Variants in MYRIP observed in about 807,000 individuals in gnomAD.
MYRIP encodes rab effector MyRIP.
A neutral mutation model predicts 98.0 loss-of-function variants in MYRIP; 49 were observed. That is an observed-to-expected ratio of 0.50 (90% CI 0.40 to 0.63). The LOEUF (loss-of-function observed/expected upper bound fraction) is 0.63, where lower values mean the gene tolerates loss of function less well. MYRIP is among the 30% of genes least tolerant of loss of function. The pLI is 0.00. For missense variants in MYRIP, 1,004 were observed against 1,058.2 expected (o/e 0.95, Z 0.71); for synonymous variants, 404 against 409.5 (o/e 0.99, Z 0.16).
At chr3:39,849,973 G>T (rs1024140287) in intron 1 of MYRIP, among the ~76,000 whole-genome samples, 11 of 152,172 alleles carry the variant, frequency 7.2e-5, no homozygotes, top group African/African-American at 2.7e-4. Flanking sequence ...AGATTATCAG[G>T]ATGGTCACCA....
At chr3:40,241,016 C>G (rs775032847) in intron 12 of MYRIP, among the ~76,000 whole-genome samples, 1 of 152,138 alleles carries the variant, frequency 6.6e-6, no homozygotes, top group Non-Finnish European at 1.5e-5. Context: ...CCAAATTGGT[C>G]GGCCTCCCAG....
At chr3:39,997,062 A>C (rs973400700) in intron 2 of MYRIP, among the ~76,000 whole-genome samples, 2 of 152,222 alleles carry the variant, frequency 1.3e-5, no homozygotes, top group African/African-American at 4.8e-5. Context: ...ATAGCACTAA[A>C]TGCCCACAAG....
At position 40,044,033 on chromosome 3, in the gene MYRIP, C is replaced by A. The variant is rs752229434; in HGVS notation, c.111-17C>A. Reference sequence around the variant, plus strand: ...TGTTTCTCTCCTCCTCCCATTTCCCCTACCTTGGTTTCCCAGTGAGCTGAA... The same window carrying A: ...TGTTTCTCTCCTCCTCCCATTTCCCATACCTTGGTTTCCCAGTGAGCTGAA... On this transcript the variant is annotated splice_polypyrimidine_tract_variant and intron_variant, in intron 2 of 16. Transcript: ENST00000302541. 109 of 1,611,886 alleles carry A rather than the reference C, an allele frequency of 6.8e-5. No homozygotes were observed. Among genetic ancestry groups the A allele is most frequent in the Non-Finnish European group, 9.0e-5 (106 of 1,178,678 alleles).
At chr3:39,872,727 C>T (rs1288930183) in intron 1 of MYRIP, among the ~76,000 whole-genome samples, 1 of 152,004 alleles carries the variant, frequency 6.6e-6, no homozygotes, top group African/African-American at 2.4e-5. Context: ...TTTCTTAATC[C>T]AGTCTATCAT....
At chr3:40,090,846 T>C (rs574690302) in intron 3 of MYRIP, among the ~76,000 whole-genome samples, 160 of 152,282 alleles carry the variant, frequency 1.1e-3, no homozygotes, top group African/African-American at 3.7e-3. Flanking sequence ...AGTTGTACTG[T>C]AGTTTGGTGG....
At chr3:40,158,544 G>A (rs1169765862) in intron 4 of MYRIP, among the ~76,000 whole-genome samples, 7 of 152,008 alleles carry the variant, frequency 4.6e-5, no homozygotes, top group Non-Finnish European at 8.8e-5. Flanking sequence ...CAATTCCTGG[G>A]TATCCTTGTT....
At chr3:39,982,092 A>G (rs142314040) in intron 2 of MYRIP, among the ~76,000 whole-genome samples, 2 of 152,366 alleles carry the variant, frequency 1.3e-5, no homozygotes, top group East Asian at 1.9e-4. Flanking sequence ...AGATCATTCA[A>G]TGAAACAATA....
chr3:40,012,138 T>C (rs1946772808), intron 2 of MYRIP, among the ~76,000 whole-genome samples: 1 of 152,210 alleles, frequency 6.6e-6, no homozygotes, highest in South Asian at 2.1e-4. Flanking sequence ...GAAATCTGGA[T>C]ATAGACAGAT....
At chr3:40,066,889 A>T (rs4676565) in intron 3 of MYRIP, among the ~76,000 whole-genome samples, 44,024 of 152,088 alleles carry the variant, frequency 0.29, 6,443 homozygotes, top group East Asian at 0.36. Context: ...AAAATATGTG[A>T]ATGAGTGACA....
chr3:39,946,176 T>G (rs2125713687), intron 2 of MYRIP, among the ~76,000 whole-genome samples: 1 of 152,206 alleles, frequency 6.6e-6, no homozygotes. Context: ...TATGAATTTG[T>G]TCAGCTTCTT....
At chr3:40,162,535 G>A (rs1023455422) in intron 4 of MYRIP, among the ~76,000 whole-genome samples, 195 bp from the exon 5 acceptor site, 21 of 152,248 alleles carry the variant, frequency 1.4e-4, no homozygotes, top group Non-Finnish European at 2.8e-4. Flanking sequence ...CCAGGAATCA[G>A]TGTGAGAAGA....
At chr3:39,959,606 G>T (rs1278573612) in intron 2 of MYRIP, among the ~76,000 whole-genome samples, 1 of 151,632 alleles carries the variant, frequency 6.6e-6, no homozygotes, top group Non-Finnish European at 1.5e-5. Context: ...ACACCAGCAT[G>T]GCACATGTAT....
At chr3:40,149,031 T>C (rs1245169519) in intron 3 of MYRIP, among the ~76,000 whole-genome samples, 1 of 152,152 alleles carries the variant, frequency 6.6e-6, no homozygotes, top group Non-Finnish European at 1.5e-5. Context: ...ATGTAGGGAC[T>C]CCCCCAATGC....
At chr3:40,055,730 G>A (rs1392415404) in intron 3 of MYRIP, among the ~76,000 whole-genome samples, 2 of 152,066 alleles carry the variant, frequency 1.3e-5, no homozygotes, top group Non-Finnish European at 2.9e-5. Context: ...TGGTTGAGGA[G>A]TTACATCCAG....
chr3:39,953,671 C>G (rs1453542623), intron 2 of MYRIP, among the ~76,000 whole-genome samples: 1 of 152,126 alleles, frequency 6.6e-6, no homozygotes, highest in Non-Finnish European at 1.5e-5. Flanking sequence ...GTTGATCTCA[C>G]TGGGGCTTGT....
chr3:39,915,891 T>A (rs1214455367), intron 2 of MYRIP, among the ~76,000 whole-genome samples: 1 of 151,964 alleles, frequency 6.6e-6, no homozygotes, highest in Non-Finnish European at 1.5e-5. Flanking sequence ...CCCATTAAAT[T>A]TATTTCTTTT....
At chr3:40,227,796 C>T (rs760187709) in intron 11 of MYRIP, among the ~76,000 whole-genome samples, 3 of 152,296 alleles carry the variant, frequency 2.0e-5, no homozygotes, top group South Asian at 2.1e-4. Context: ...TGAGGAGAGG[C>T]GCACAACTCT....
intron 3 of MYRIP, among the ~76,000 whole-genome samples, chr3:40,044,774 T>C (rs544269956): frequency 6.6e-5 from 10 of 152,168 alleles, no homozygotes; most frequent in African/African-American, 9.7e-5. Flanking sequence ...AAGGAGAGAC[T>C]GGCCCTAGGG....
chr3:39,922,622 A>G (rs1381621167), intron 2 of MYRIP, among the ~76,000 whole-genome samples: 1 of 152,202 alleles, frequency 6.6e-6, no homozygotes, highest in Non-Finnish European at 1.5e-5. Flanking sequence ...TCCACCCAGC[A>G]GCAACAAGGA....
Sources: allele counts gnomAD v4.1 joint callset (sites outside exome capture counted in the v4.1 genomes callset), GRCh38; gene constraint gnomAD v4.1.1; transcripts MANE v1.5; gene names NCBI Gene and HGNC (gene_info 2026-07-23, HGNC 2026-07-21).